The following ROBO3 variants were observed in gnomAD, a reference collection of about 807,000 sequenced individuals.
ROBO3 encodes roundabout homolog 3.
Under a neutral mutation model 160.5 loss-of-function variants are expected in ROBO3, and 97 were observed. The ratio of observed to expected loss-of-function variants is 0.60; its 90% CI spans 0.51 to 0.72. The LOEUF (loss-of-function observed/expected upper bound fraction) is 0.72, where lower values mean the gene tolerates loss of function less well. Among genes scored for constraint, ROBO3 ranks in the 30% least tolerant of loss-of-function variants. The pLI, the probability that ROBO3 is intolerant of heterozygous loss-of-function variation, is 0.00. For synonymous variants in ROBO3, 780 were observed against 746.2 expected, an observed-to-expected ratio of 1.05 and a Z score of -0.74; for missense variants, 1,858 against 1,846.5, an observed-to-expected ratio of 1.01 and a Z score of -0.11.
rs1426663144 is a variant in ROBO3, at chr11:124,873,831, G to C, written c.1753G>C (p.Ala585Pro). ...GAAGCCCAACCCACAAACTGGGGCT[G>C]CAGTCACGTCTTATGTGATAGAGGC... ...TWKPNPQTGA[A>P]VTSYVIEAFS... Residue 585 changes from alanine (A) to proline (P), a missense_variant, in exon 11 of 28, where the codon GCA (alanine) becomes CCA (proline). Physicochemically the swap from Ala to Pro is conservative, Grantham distance 27 (BLOSUM62 -1). Coordinates refer to ENST00000397801, the MANE Select transcript of ROBO3 (RefSeq NM_022370.4). The surrounding 1 kb of genome is among the most constrained non-coding windows in gnomAD (Gnocchi z 4.5). The C allele has an allele frequency of 4.3e-6, 7 of 1,613,528 alleles. No individual in the cohort carries two copies. In the African/African-American group the frequency reaches 8.0e-5, roughly 18 times the overall value.
Position 124,870,621 on chromosome 11 carries a change from A to G in ROBO3, c.926A>G (p.His309Arg). ...PTGRYEIRSD[H>R]SLWIGHVSAE... ...AGCAGGTATGAGATCCGGAGTGACC[A>G]CAGCCTTTGGATTGGGCATGTGAGT... The change falls in exon 6 of 28, where the codon CAC (histidine) becomes CGC (arginine). Residue 309 changes from histidine (H) to arginine (R), a missense_variant. Transcript: ENST00000397801. 1 of 1,613,782 alleles carries G rather than the reference A, an allele frequency of 6.2e-7. No homozygotes were observed. Among genetic ancestry groups the G allele is most frequent in the Non-Finnish European group, 8.5e-7 (1 of 1,179,846 alleles).
At chr11:124,867,746 G>A (rs1234997291) in intron 1 of ROBO3, among the ~76,000 whole-genome samples, 17 of 151,472 alleles carry the variant, frequency 1.1e-4, no homozygotes, top group Non-Finnish European at 2.1e-4. Context: ...GGCTGGAAGC[G>A]GGAGGTTCCT....
Position 124,865,695 on chromosome 11 carries a change from C to T in ROBO3, c.118C>T (p.Leu40Phe). 6.2e-7 allele frequency: 1 copy of T among 1,611,472 alleles called. No individual in the cohort carries two copies. The highest frequency in any genetic ancestry group is 8.5e-7 in the Non-Finnish European group (1 of 1,179,170). The change falls in exon 1 of 28, where the codon CTC (leucine) becomes TTC (phenylalanine). Residue 40 changes from leucine to phenylalanine, a missense_variant. By Grantham distance (22) the Leu-to-Phe change is conservative. Coordinates refer to ENST00000397801, the MANE Select transcript of ROBO3 (RefSeq NM_022370.4). This position sits in a 1 kb window ranked among gnomAD's most constrained non-coding sequence, Gnocchi z 5.5. ...LLGFNSSLAA[L>F]NHTLLPPGDP... ...GGGCTTCAACTCCTCGCTGGCGGCGCTCAACCACACCCTGCTGCCTCCCGG... is the reference window on the plus strand; with the variant it reads ...GGGCTTCAACTCCTCGCTGGCGGCGTTCAACCACACCCTGCTGCCTCCCGG...
Position 124,875,352 on chromosome 11 carries a change from G to C in ROBO3, c.2299+16G>C. The C allele has an allele frequency of 8.0e-7, 1 of 1,254,578 alleles. No individual in the cohort carries two copies. Among genetic ancestry groups the C allele is most frequent in the Non-Finnish European group, 1.1e-6 (1 of 906,260 alleles). The allele number at this position is 1,254,578 out of a possible 1,614,324, so 77.7% of individuals were successfully genotyped here. A position where few individuals can be genotyped will look rare whatever the true frequency, so the allele number is the denominator to read the frequency against. ...CCTGAGGAGGGTAAGGAGGGCCACC[G>C]AACAGATGGATGGACAAGAGGGAAG... On this transcript the variant is annotated intron_variant, in intron 14 of 27. Transcript: ENST00000397801.
rs776161648 is a variant in ROBO3, at chr11:124,879,287, G to A, written c.3631G>A (p.Ala1211Thr). ...RPAGLGAGPA[A>T]SPHLSPSPAP... ...TGCTGGCTTGGGTGCTGGCCCTGCA[G>A]CCTCACCCCACCTCAGCCCCAGTCC... Residue 1211 changes from alanine to threonine, a missense_variant, in exon 24 of 28, where the codon GCC (alanine) becomes ACC (threonine). Ala to Thr is a moderately conservative substitution (Grantham distance 58). Transcript: ENST00000397801. 2 of 1,598,810 alleles carry A rather than the reference G, an allele frequency of 1.3e-6. No homozygotes were observed. Among genetic ancestry groups the A allele is most frequent in the East Asian group, 4.5e-5 (2 of 44,046 alleles).
In ROBO3 at chr11:124,880,669, G is replaced by A. The variant is rs566528361; in HGVS notation, c.4149+61G>A. The stretch of plus-strand genomic sequence containing the variant: ...GGACTAGGGAAGGGTGGACCAAGGC[G>A]TAATGGAAAACAGGAAGGTGGGCAA... On this transcript the variant is annotated intron_variant, in intron 27 of 27. Transcript: ENST00000397801. The A allele has an allele frequency of 2.2e-5, 32 of 1,456,522 alleles. No individual in the cohort carries two copies. In the East Asian group the frequency reaches 3.2e-4, roughly 15 times the overall value. The allele number at this position is 1,456,522 out of a possible 1,614,324, so 90.2% of individuals were successfully genotyped here.
Position 124,872,924 on chromosome 11 carries a change from A to G in ROBO3, c.1371A>G (p.Pro457=), listed in dbSNP as rs1173735553. Reference sequence around the variant, plus strand: ...TGCCTCCTGTCATCCTCCAGGGACCAGCCAATCAGACGCTGGTGCTTGGCT... The same window carrying G: ...TGCCTCCTGTCATCCTCCAGGGACCGGCCAATCAGACGCTGGTGCTTGGCT... ...DGLPPVILQG[P]ANQTLVLGSS... The change falls in exon 9 of 28, where the codon CCA becomes CCG. Residue 457 remains proline (P), a synonymous_variant. Transcript: ENST00000397801. The surrounding 1 kb of genome is among the most constrained non-coding windows in gnomAD (Gnocchi z 4.3). The G allele has an allele frequency of 6.2e-7, 1 of 1,611,752 alleles. No homozygotes were observed. Among genetic ancestry groups the G allele is most frequent in the African/African-American group, 1.3e-5 (1 of 74,894 alleles).
At chr11:124,875,035 G>A in intron 13 of ROBO3, 76 bp from the exon 14 acceptor site, 1 of 1,513,252 alleles carries the variant, frequency 6.6e-7, no homozygotes, top group Non-Finnish European at 8.9e-7. Context: ...GGGAGGAGGG[G>A]CTGGGCCTGG....
Position 124,876,468 on chromosome 11 carries a change from C to G in ROBO3, c.2779+8C>G. On this transcript the variant is annotated splice_region_variant and intron_variant, in intron 17 of 27. Transcript: ENST00000397801. The surrounding 1 kb of genome is among the most constrained non-coding windows in gnomAD (Gnocchi z 5.3). The stretch of plus-strand genomic sequence containing the variant: ...AGCTCAGCCACTACACGGGTGAGCT[C>G]CCGGCCTCGGAGCGGACGGATCCGG... The G allele has an allele frequency of 7.2e-7, 1 of 1,383,834 alleles. No homozygotes were observed. The highest frequency in any genetic ancestry group is 9.3e-7 in the Non-Finnish European group (1 of 1,073,404). The allele number at this position is 1,383,834 out of a possible 1,614,324, so 85.7% of individuals were successfully genotyped here.
chr11:124,873,205 A>T lies in ROBO3; in HGVS notation c.1537-105A>T. ...CATCTTTACCCCTCTGTTCTCTCAG[A>T]GCACCTAGTATCCAACATCTTCCCA... On this transcript the variant is annotated intron_variant, in intron 9 of 27. Transcript: ENST00000397801. The surrounding 1 kb of genome is among the most constrained non-coding windows in gnomAD (Gnocchi z 4.5). 7.2e-7 allele frequency: 1 copy of T among 1,392,594 alleles called. No individual in the cohort carries two copies. The highest frequency in any genetic ancestry group is 1.0e-6 in the Non-Finnish European group (1 of 1,003,148). 86.3% of individuals were successfully genotyped at this position (1,392,594 alleles called of 1,614,324 possible).
chr11:124,878,461 C>A lies in ROBO3; in HGVS notation c.3320+25C>A, dbSNP rs750056864. ...GGTAGAGATGCTCCCTGCTTCCAGG[C>A]CCACACACCTGCGGCCAGACCATGG... is the stretch of plus-strand genomic sequence containing the variant. On this transcript the variant is annotated intron_variant, in intron 22 of 27. Transcript: ENST00000397801. The surrounding 1 kb of genome is among the most constrained non-coding windows in gnomAD (Gnocchi z 4.3). 4 of 1,609,502 alleles carry A rather than the reference C, an allele frequency of 2.5e-6. No homozygotes were observed. In the South Asian group the frequency reaches 4.4e-5, roughly 18 times the overall value.
At position 124,869,864 on chromosome 11, in the gene ROBO3, C is replaced by T. The variant is rs373743460; in HGVS notation, c.646-84C>T. ...CTGTGAGGATCAAATAAACTTTATA[C>T]ATATGTATATACACATATATTCACC... is the stretch of plus-strand genomic sequence containing the variant. On this transcript the variant is annotated intron_variant, in intron 3 of 27. Transcript: ENST00000397801. This position sits in a 1 kb window ranked among gnomAD's most constrained non-coding sequence, Gnocchi z 4.2. 112 of 1,475,862 alleles carry T rather than the reference C, an allele frequency of 7.6e-5. No homozygotes were observed. The highest frequency in any genetic ancestry group is 9.5e-5 in the Non-Finnish European group (103 of 1,079,596). The allele number at this position is 1,475,862 out of a possible 1,614,324, so 91.4% of individuals were successfully genotyped here.
At chr11:124,870,497 G>A in intron 5 of ROBO3, 104 bp from the exon 6 acceptor site, 4 of 1,558,444 alleles carry the variant, frequency 2.6e-6, no homozygotes, top group Non-Finnish European at 3.5e-6. Context: ...GTCCCTGCTG[G>A]GTCCTGCCTG....
rs1946286871 is a variant in ROBO3 at position 124,872,175 on chromosome 11, A to G, written c.1159-206A>G. On this transcript the variant is annotated intron_variant, in intron 7 of 27. Transcript: ENST00000397801. This position sits in a 1 kb window ranked among gnomAD's most constrained non-coding sequence, Gnocchi z 4.3. ...CCACTAGTAAGTCACGGAGCTGGGAAGTAGACTCTGAAATTGTCTAATAAA... is the reference window on the plus strand; with the variant it reads ...CCACTAGTAAGTCACGGAGCTGGGAGGTAGACTCTGAAATTGTCTAATAAA... Among the ~76,000 whole-genome samples the G allele has an allele frequency of 6.6e-6, 1 of 152,248 alleles. No homozygotes were observed. Among genetic ancestry groups the G allele is most frequent in the African/African-American group, 2.4e-5 (1 of 41,474 alleles).
rs1400353486 is a variant in ROBO3 at position 124,872,895 on chromosome 11, G to A, written c.1342G>A (p.Gly448Arg). Residue 448 changes from glycine (G) to arginine (R), a missense_variant, in exon 9 of 28, where the codon GGG becomes AGG. By Grantham distance (125) the Gly-to-Arg change is moderately radical. Coordinates refer to ENST00000397801, the MANE Select transcript of ROBO3 (RefSeq NM_022370.4). This position sits in a 1 kb window ranked among gnomAD's most constrained non-coding sequence, Gnocchi z 4.3. ...LLEIKGASLD[G>R]LPPVILQGPA... is the part of the protein sequence containing the mutation. Reference sequence around the variant, plus strand: ...TCTTCCTCTCTCAGCCTCTTTGGATGGGCTGCCTCCTGTCATCCTCCAGGG... The same window carrying A: ...TCTTCCTCTCTCAGCCTCTTTGGATAGGCTGCCTCCTGTCATCCTCCAGGG... 1 of 1,605,046 alleles carries A rather than the reference G, an allele frequency of 6.2e-7. No individual in the cohort carries two copies. Among genetic ancestry groups the A allele is most frequent in the Non-Finnish European group, 8.5e-7 (1 of 1,176,054 alleles).
rs779474703 is a variant in ROBO3 at position 124,873,261 on chromosome 11, T to G, written c.1537-49T>G. ...CTGCTACCCGCCTCCACCCCCTCAC[T>G]GGATCTTGCTCCACTCTCAGTTTGC... On this transcript the variant is annotated intron_variant, in intron 9 of 27. Transcript: ENST00000397801. The surrounding 1 kb of genome is among the most constrained non-coding windows in gnomAD (Gnocchi z 4.5). 1 of 1,543,672 alleles carries G rather than the reference T, an allele frequency of 6.5e-7. No individual in the cohort carries two copies. The highest frequency in any genetic ancestry group is 1.2e-5 in the South Asian group (1 of 85,626).
Position 124,878,401 on chromosome 11 carries a change from C to T in ROBO3, c.3285C>T (p.Ser1095=). 1.9e-6 allele frequency: 3 copies of T among 1,613,986 alleles called. No individual in the cohort carries two copies. Among genetic ancestry groups the T allele is most frequent in the Non-Finnish European group, 2.5e-6 (3 of 1,179,894 alleles). Residue 1095 remains serine, a synonymous_variant, in exon 22 of 28, where the codon AGC becomes AGT. Transcript: ENST00000397801. The surrounding 1 kb of genome is among the most constrained non-coding windows in gnomAD (Gnocchi z 4.3). ...LPPPPPSCEL[S]CLEGPEEELE... ...CACCTCCTCCTTCTTGTGAACTGAGCTGCCTAGAAGGGCCGGAGGAGGAGC... is the reference window on the plus strand; with the variant it reads ...CACCTCCTCCTTCTTGTGAACTGAGTTGCCTAGAAGGGCCGGAGGAGGAGC...
rs753075639 is a variant in ROBO3, at chr11:124,876,440, A to G, written c.2759A>G (p.Lys920Arg). Reference sequence around the variant, plus strand: ...CTCTACTGGCGCCGGAAACAGCGCAAAGAGCTCAGCCACTACACGGGTGAG... The same window carrying G: ...CTCTACTGGCGCCGGAAACAGCGCAGAGAGCTCAGCCACTACACGGGTGAG... Reference protein sequence around the residue: ...AALYWRRKQRKELSHYTASFA... With the variant: ...AALYWRRKQRRELSHYTASFA... The change falls in exon 17 of 28, where the codon AAA becomes AGA. Residue 920 changes from lysine to arginine, a missense_variant. By Grantham distance (26) the Lys-to-Arg change is conservative. Transcript: ENST00000397801. This position sits in a 1 kb window ranked among gnomAD's most constrained non-coding sequence, Gnocchi z 5.3. 7.6e-6 allele frequency: 11 copies of G among 1,443,584 alleles called. No individual in the cohort carries two copies. Among genetic ancestry groups the G allele is most frequent in the Non-Finnish European group, 1.0e-5 (11 of 1,104,388 alleles). The allele number at this position is 1,443,584 out of a possible 1,614,324, so 89.4% of individuals were successfully genotyped here. A position where few individuals can be genotyped will look rare whatever the true frequency, so the allele number is the denominator to read the frequency against.
intron 4 of ROBO3, 22 bp downstream of exon 4, chr11:124,870,090 A>G (rs1565309623): frequency 6.2e-7 from 1 of 1,613,940 alleles, no homozygotes; most frequent in Non-Finnish European, 8.5e-7. Flanking sequence ...GAATTTTGAC[A>G]TTATGGGAAC....
Sources: gnomAD v4.1 joint callset for allele counts (sites outside exome capture counted in the v4.1 genomes callset) on GRCh38, gnomAD v4.1.1 for gene constraint, Gnocchi (gnomAD v3.1) non-coding constraint, MANE v1.5 for transcripts, NCBI Gene and HGNC (gene_info 2026-07-23, HGNC 2026-07-21) for gene names.